Variants in SAMMSON observed in about 807,000 individuals in gnomAD.
The protein encoded by SAMMSON is long intergenic non-protein coding RNA 1212.
intron 6 of SAMMSON, among the ~76,000 whole-genome samples, chr3:70,254,148 T>TAC (rs578028564): frequency 0.025 from 507 of 20,460 alleles, 3 homozygotes; most frequent in African/African-American, 0.087. Flanking sequence ...CAGTTCCAAT[T>TAC]ACACAAAAAA....
At chr3:70,299,321 G>T (rs542317093) in intron 7 of SAMMSON, among the ~76,000 whole-genome samples, 1 of 151,796 alleles carries the variant, frequency 6.6e-6, no homozygotes, top group African/African-American at 2.4e-5. Flanking sequence ...AAATTTGTGC[G>T]TTATTTGTAT....
chr3:70,129,887 A>G (rs1315757736), intron 4 of SAMMSON, among the ~76,000 whole-genome samples: 1 of 152,224 alleles, frequency 6.6e-6, no homozygotes, highest in African/African-American at 2.4e-5. Flanking sequence ...TTAATGTTAT[A>G]TATTTAAGCT....
chr3:70,326,472 T>A (rs1276437210), intron 7 of SAMMSON, among the ~76,000 whole-genome samples: 3 of 152,114 alleles, frequency 2.0e-5, no homozygotes, highest in Non-Finnish European at 1.5e-5. Flanking sequence ...GTGTGGGCAG[T>A]TATTATTGTT....
At chr3:70,071,552 C>T (rs1160136978) in exon 4 of SAMMSON, 1 of 151,864 alleles carries the variant, frequency 6.6e-6, no homozygotes, top group African/African-American at 2.4e-5. Flanking sequence ...AGAGAAACAT[C>T]TATTGCATTT....
chr3:70,281,906 T>C (rs1308065614), intron 6 of SAMMSON, among the ~76,000 whole-genome samples: 2 of 152,196 alleles, frequency 1.3e-5, no homozygotes, highest in Non-Finnish European at 2.9e-5. Context: ...TCTTCAGTTT[T>C]AAAAAGCATC....
chr3:70,180,281 T>A (rs919492700), intron 4 of SAMMSON, among the ~76,000 whole-genome samples: 1 of 152,108 alleles, frequency 6.6e-6, no homozygotes, highest in African/African-American at 2.4e-5. Context: ...CTAAATAATG[T>A]ATATAAATTG....
intron 2 of SAMMSON, among the ~76,000 whole-genome samples, chr3:70,419,433 C>T (rs1401801735): frequency 6.6e-6 from 1 of 152,116 alleles, no homozygotes; most frequent in African/African-American, 2.4e-5. Context: ...ATTTTATCCT[C>T]CTGCATAGTT....
chr3:70,293,982 A>G (rs1218708875), intron 7 of SAMMSON, among the ~76,000 whole-genome samples: 10 of 152,042 alleles, frequency 6.6e-5, no homozygotes, highest in Non-Finnish European at 1.0e-4. Flanking sequence ...TCAAGCTATC[A>G]CTCAAGAGTT....
At chr3:70,237,413 T>C (rs1472375534) in intron 4 of SAMMSON, among the ~76,000 whole-genome samples, 1 of 152,236 alleles carries the variant, frequency 6.6e-6, no homozygotes, top group Non-Finnish European at 1.5e-5. Context: ...CTTTTCTATC[T>C]TGACCTCTTT....
intron 9 of SAMMSON, among the ~76,000 whole-genome samples, chr3:70,383,835 C>A (rs1396285996): frequency 6.6e-6 from 1 of 152,008 alleles, no homozygotes; most frequent in Non-Finnish European, 1.5e-5. Flanking sequence ...CTACAAGTTA[C>A]AACGAGCCTA....
intron 4 of SAMMSON, among the ~76,000 whole-genome samples, chr3:70,107,842 A>G (rs1412201955): frequency 2.0e-5 from 3 of 152,116 alleles, no homozygotes; most frequent in Non-Finnish European, 4.4e-5. Flanking sequence ...CCTACCATGT[A>G]TTTGGATTCT....
intron 4 of SAMMSON, among the ~76,000 whole-genome samples, chr3:70,128,167 C>T (rs913387225): frequency 3.9e-5 from 6 of 152,132 alleles, no homozygotes; most frequent in Non-Finnish European, 8.8e-5. Flanking sequence ...TCTTGCCTTC[C>T]GGCTGATCCT....
intron 7 of SAMMSON, among the ~76,000 whole-genome samples, chr3:70,341,053 G>A (rs546080727): frequency 2.6e-5 from 4 of 152,164 alleles, no homozygotes; most frequent in African/African-American, 9.6e-5. Context: ...TGTATATCAG[G>A]CTAAGTGCCA....
At chr3:70,193,878 A>G (rs141197756) in intron 4 of SAMMSON, among the ~76,000 whole-genome samples, 266 of 152,276 alleles carry the variant, frequency 1.7e-3, no homozygotes, top group Non-Finnish European at 3.0e-3. Context: ...AAAAATGCTA[A>G]TATGACCTCC....
chr3:70,180,106 C>A (rs1209647307), intron 4 of SAMMSON, among the ~76,000 whole-genome samples: 1 of 151,764 alleles, frequency 6.6e-6, no homozygotes, highest in Non-Finnish European at 1.5e-5. Flanking sequence ...GCATAATAAA[C>A]TGAAATTCAG....
At chr3:70,292,858 C>T (rs1702251836) in intron 7 of SAMMSON, among the ~76,000 whole-genome samples, 2 of 151,670 alleles carry the variant, frequency 1.3e-5, no homozygotes, top group South Asian at 4.2e-4. Flanking sequence ...GGTAGAATTA[C>T]CTTGATAGAA....
chr3:70,007,707 A>C (rs2066934168), intron 1 of SAMMSON, among the ~76,000 whole-genome samples: 1 of 152,148 alleles, frequency 6.6e-6, no homozygotes, highest in African/African-American at 2.4e-5. Flanking sequence ...TGTTTTAGAC[A>C]TGAAGTCCTT....
chr3:70,391,566 A>C (rs971760187), downstream of SAMMSON, among the ~76,000 whole-genome samples: 7 of 152,060 alleles, frequency 4.6e-5, no homozygotes, highest in Non-Finnish European at 8.8e-5. Context: ...TATGTGCATA[A>C]TTGTTTGTGT....
intron 4 of SAMMSON, among the ~76,000 whole-genome samples, chr3:70,107,760 C>T (rs997546035): frequency 3.9e-5 from 6 of 152,026 alleles, no homozygotes; most frequent in Admixed American, 2.0e-4. Context: ...GAGGATTCTA[C>T]GTACCAACCT....
Sources: allele counts gnomAD v4.1 joint callset (sites outside exome capture counted in the v4.1 genomes callset), GRCh38; gene constraint gnomAD v4.1.1; transcripts MANE v1.5; gene names NCBI Gene and HGNC (gene_info 2026-07-23, HGNC 2026-07-21).